The following RLF variants were observed in gnomAD, a reference collection of about 807,000 sequenced individuals.
RLF encodes zinc finger protein Rlf.
RLF carries 7 observed loss-of-function variants against 162.9 expected under a neutral mutation model. The observed-to-expected ratio is 0.04, with a 90% CI of 0.02 to 0.08. RLF has a LOEUF of 0.08. RLF is among the 10% of genes least tolerant of loss of function. RLF has a pLI of 1.00. For missense variants in RLF, 1,664 were observed against 2,244.7 expected (o/e 0.74, Z 5.23); for synonymous variants, 782 against 791.5 (o/e 0.99, Z 0.20).
At chr1:40,182,932 AAGC>A (rs960762157) in intron 1 of RLF, among the ~76,000 whole-genome samples, 1 of 152,130 alleles carries the variant, frequency 6.6e-6, no homozygotes, top group Non-Finnish European at 1.5e-5. Context: ...TTCTGGTTGT[AAGC>A]AGCCAGCTGT....
Position 40,240,037 on chromosome 1 carries a change from G to C in RLF, c.5335G>C (p.Glu1779Gln). Residue 1779 changes from glutamate (E) to glutamine (Q), a missense_variant, in exon 8 of 8, where the codon GAA (glutamate) becomes CAA (glutamine). Physicochemically the swap from Glu to Gln is conservative, Grantham distance 29 (BLOSUM62 2). This residue lies in a region of RLF where 327 missense variants were observed against 342.7 expected (regional missense o/e 0.95). Transcript: ENST00000372771. ...ATCTTCATTTCTGAAATTTATTCAG[G>C]AAAGTGAAGAGAAAGAAGATGATTT... is the stretch of plus-strand genomic sequence containing the variant. ...FESSFLKFIQ[E>Q]SEEKEDDFDD... The C allele has an allele frequency of 5.6e-6, 9 of 1,614,052 alleles. No individual in the cohort carries two copies. The highest frequency in any genetic ancestry group is 7.6e-6 in the Non-Finnish European group (9 of 1,179,988).
chr1:40,190,759 A>G lies in RLF; in HGVS notation c.393-13A>G. The G allele has an allele frequency of 1.3e-6, 2 of 1,576,944 alleles. No homozygotes were observed. The highest frequency in any genetic ancestry group is 8.7e-7 in the Non-Finnish European group (1 of 1,147,554). On this transcript the variant is annotated splice_polypyrimidine_tract_variant and intron_variant, in intron 2 of 7. Transcript: ENST00000372771. ...TATAACCACCTTTATATACTTACTC[A>G]TTTTTATTGTAGGAGTTGTTTCGAA...
chr1:40,234,123 T>C (rs1347988851), intron 7 of RLF, among the ~76,000 whole-genome samples: 1 of 152,194 alleles, frequency 6.6e-6, no homozygotes, highest in Non-Finnish European at 1.5e-5. Context: ...TAATTTTTTG[T>C]ATTTTTATTA....
chr1:40,163,326 A>G (rs1248137458), intron 1 of RLF, among the ~76,000 whole-genome samples: 1 of 152,064 alleles, frequency 6.6e-6, no homozygotes, highest in East Asian at 1.9e-4. Context: ...TAATGGAAGG[A>G]GAGGGGTGGT....
At chr1:40,180,074 T>C (rs1642386255) in intron 1 of RLF, among the ~76,000 whole-genome samples, 1 of 152,214 alleles carries the variant, frequency 6.6e-6, no homozygotes, top group African/African-American at 2.4e-5. Flanking sequence ...CTTCAAGATC[T>C]GCTGTCACTT....
At chr1:40,164,322 T>C (rs1642137000) in intron 1 of RLF, among the ~76,000 whole-genome samples, 1 of 152,180 alleles carries the variant, frequency 6.6e-6, no homozygotes, top group Non-Finnish European at 1.5e-5. Context: ...TTAAAAGAAA[T>C]GGCTCTATCT....
At chr1:40,203,786 G>A (rs1642751867) in intron 5 of RLF, among the ~76,000 whole-genome samples, 2 of 152,024 alleles carry the variant, frequency 1.3e-5, no homozygotes, top group African/African-American at 4.8e-5. Context: ...GTAGTCCCAA[G>A]GATCTGGTTT....
At chr1:40,205,724 C>G (rs1179528720) in intron 5 of RLF, among the ~76,000 whole-genome samples, 1 of 152,104 alleles carries the variant, frequency 6.6e-6, no homozygotes, top group Non-Finnish European at 1.5e-5. Context: ...ATCTCCTGAC[C>G]TCGTGATCCG....
chr1:40,215,618 T>C (rs1642915748), intron 5 of RLF, among the ~76,000 whole-genome samples: 1 of 152,076 alleles, frequency 6.6e-6, no homozygotes, highest in African/African-American at 2.4e-5. Flanking sequence ...TCTCACTCTG[T>C]CCCTCAGACT....
chr1:40,199,966 T>C (rs75073409), intron 4 of RLF, among the ~76,000 whole-genome samples: 103 of 152,190 alleles, frequency 6.8e-4, no homozygotes, highest in African/African-American at 2.5e-3. Flanking sequence ...TTGCTGAAAA[T>C]AGAAGTAGGG....
intron 1 of RLF, among the ~76,000 whole-genome samples, chr1:40,173,857 T>C (rs1642279891): frequency 6.6e-6 from 1 of 152,166 alleles, no homozygotes; most frequent in Non-Finnish European, 1.5e-5. Flanking sequence ...GAAGTTCTCA[T>C]GAAGCGGAAC....
At position 40,237,697 on chromosome 1, in the gene RLF, A is replaced by T. The variant is rs1029648323; in HGVS notation, c.2995A>T (p.Asn999Tyr). ...GAAAGATCTGTTTCCCTCTTTGGGTAATGAACATAATCAGACAACTGAAAA... is the reference window on the plus strand; with the variant it reads ...GAAAGATCTGTTTCCCTCTTTGGGTTATGAACATAATCAGACAACTGAAAA... ...KTKDLFPSLG[N>Y]EHNQTTEKLD... Residue 999 changes from asparagine to tyrosine, a missense_variant, in exon 8 of 8, where the codon AAT becomes TAT. Physicochemically the swap from Asn to Tyr is moderately radical, Grantham distance 143 (BLOSUM62 -2). Transcript: ENST00000372771. The surrounding 1 kb of genome is among the most constrained non-coding windows in gnomAD (Gnocchi z 4.4). The T allele has an allele frequency of 1.2e-6, 2 of 1,614,140 alleles. No homozygotes were observed. Among genetic ancestry groups the T allele is most frequent in the Middle Eastern group, 1.6e-4 (1 of 6,062 alleles).
intron 5 of RLF, among the ~76,000 whole-genome samples, chr1:40,204,595 A>T (rs1392931161): frequency 6.6e-6 from 1 of 150,402 alleles, no homozygotes; most frequent in Non-Finnish European, 1.5e-5. Flanking sequence ...TTTATTTTTT[A>T]TTTTTTTGGA....
intron 3 of RLF, among the ~76,000 whole-genome samples, chr1:40,191,218 T>A (rs1040630046): frequency 6.6e-6 from 1 of 152,140 alleles, no homozygotes; most frequent in African/African-American, 2.4e-5. Flanking sequence ...ACATCTAAGG[T>A]TCACCTTTTT....
At chr1:40,189,663 G>A (rs751422480) in intron 2 of RLF, among the ~76,000 whole-genome samples, 2 of 152,122 alleles carry the variant, frequency 1.3e-5, no homozygotes, top group Admixed American at 6.6e-5. Flanking sequence ...CGCGGGCATG[G>A]TGGCGCACGC....
At chr1:40,184,449 T>G (rs948972967) in intron 1 of RLF, among the ~76,000 whole-genome samples, 3 of 152,136 alleles carry the variant, frequency 2.0e-5, no homozygotes, top group Admixed American at 2.0e-4. Context: ...AACTTTGGTG[T>G]GGTGGTTTCA....
At chr1:40,168,687 A>C (rs1570511372) in intron 1 of RLF, among the ~76,000 whole-genome samples, 1 of 152,090 alleles carries the variant, frequency 6.6e-6, no homozygotes, top group Admixed American at 6.5e-5. Flanking sequence ...AAATGCATTA[A>C]ATTTTATATA....
At chr1:40,208,449 T>C (rs1642824944) in intron 5 of RLF, among the ~76,000 whole-genome samples, 1 of 152,208 alleles carries the variant, frequency 6.6e-6, no homozygotes, top group Non-Finnish European at 1.5e-5. Flanking sequence ...AGAAAACATT[T>C]ATTGCTCACT....
At chr1:40,200,867 T>TACACACACACACAC (rs71060356) in intron 4 of RLF, among the ~76,000 whole-genome samples, 14 of 34,860 alleles carry the variant, frequency 4.0e-4, no homozygotes, top group East Asian at 2.4e-3. Context: ...ATTGCTACTC[T>TACACACACACACAC]ACACACACAC....
Sources: gnomAD v4.1 joint callset for allele counts (sites outside exome capture counted in the v4.1 genomes callset) on GRCh38, gnomAD v4.1.1 for gene constraint, gnomAD v4.1.1 regional missense constraint, Gnocchi (gnomAD v3.1) non-coding constraint, MANE v1.5 for transcripts, NCBI Gene and HGNC (gene_info 2026-07-23, HGNC 2026-07-21) for gene names.